Variants in CA11 observed in about 807,000 individuals in gnomAD.
CA11 encodes carbonic anhydrase 11 (inactive).
A neutral mutation model predicts 39.3 loss-of-function variants in CA11; 20 were observed. That is an observed-to-expected ratio of 0.51 (90% CI 0.36 to 0.74). The LOEUF is 0.74. Among genes scored for constraint, CA11 ranks in the 30% least tolerant of loss-of-function variants. CA11 has a pLI of 0.00. For missense variants in CA11, 336 were observed against 424.6 expected (o/e 0.79, Z 1.83); for synonymous variants, 166 against 172.5 (o/e 0.96, Z 0.29).
At position 48,638,080 on chromosome 19, in the gene CA11, A is replaced by G. The variant is rs552789415; in HGVS notation, c.*39T>C. 1.3e-4 allele frequency: 187 copies of G among 1,396,074 alleles called. No homozygotes were observed. In the East Asian group the frequency reaches 5.6e-3, roughly 42 times the overall value. 86.5% of individuals were successfully genotyped at this position (1,396,074 alleles called of 1,614,324 possible). The stretch of plus-strand genomic sequence containing the variant: ...GGGTAACTCCCCTCGCCTTGTGGGG[A>G]GGCTTAGGACGGGCGGGTGCAATCC... On this transcript the variant is annotated 3_prime_UTR_variant, in exon 9 of 9. Coordinates refer to ENST00000084798, the MANE Select transcript of CA11 (RefSeq NM_001217.5).
intron 3 of CA11, 116 bp downstream of exon 3, chr19:48,644,311 C>T: frequency 1.1e-6 from 1 of 926,030 alleles, no homozygotes; most frequent in Non-Finnish European, 1.6e-6. Context: ...CCTCTCCACC[C>T]ACTGGGTGTC....
chr19:48,640,536 G>A (rs1451332161), intron 3 of CA11, among the ~76,000 whole-genome samples: 3 of 151,510 alleles, frequency 2.0e-5, no homozygotes, highest in Admixed American at 1.3e-4. Context: ...CACCATGCCC[G>A]GCTAATTTTT....
Position 48,640,293 on chromosome 19 carries a change from CG to C in CA11, c.286-14del, listed in dbSNP as rs1422054925. On this transcript the variant is annotated splice_polypyrimidine_tract_variant and intron_variant, in intron 3 of 8. Transcript: ENST00000084798. ...AGGTTCCCCGGAGCTGTGGGAGAGGCGGGAGCTGTCAGGGGGCAGGGAGAGA... is the reference window on the plus strand; with the variant it reads ...AGGTTCCCCGGAGCTGTGGGAGAGGCGGAGCTGTCAGGGGGCAGGGAGAGA... 6.4e-7 allele frequency: 1 copy of C among 1,551,376 alleles called. No individual in the cohort carries two copies. Among genetic ancestry groups the C allele is most frequent in the South Asian group, 1.1e-5 (1 of 89,924 alleles).
rs922536041 is a variant in CA11 at position 48,638,118 on chromosome 19, C to T, written c.*1G>A. 10 of 1,396,972 alleles carry T rather than the reference C, an allele frequency of 7.2e-6. No individual in the cohort carries two copies. The African/African-American group carries it at 1.4e-4, about 19-fold the overall frequency. 86.5% of individuals were successfully genotyped at this position (1,396,972 alleles called of 1,614,324 possible). A position where few individuals can be genotyped will look rare whatever the true frequency, so the allele number is the denominator to read the frequency against. The stretch of plus-strand genomic sequence containing the variant: ...GCGGGTGCAATCCTCGAAGGGGAGT[C>T]TCAGCGACCATGGGGGACACCATCC... On this transcript the variant is annotated 3_prime_UTR_variant, in exon 9 of 9. Coordinates refer to ENST00000084798, the MANE Select transcript of CA11 (RefSeq NM_001217.5).
Position 48,645,482 on chromosome 19 carries a change from G to A in CA11, c.68-5C>T. The A allele has an allele frequency of 6.2e-7, 1 of 1,603,408 alleles. No individual in the cohort carries two copies. The highest frequency in any genetic ancestry group is 8.5e-7 in the Non-Finnish European group (1 of 1,174,756). On this transcript the variant is annotated splice_polypyrimidine_tract_variant and splice_region_variant and intron_variant, in intron 1 of 8. Coordinates refer to ENST00000084798, the MANE Select transcript of CA11 (RefSeq NM_001217.5). ...CAGGTGCTGGTCCGATGTGAGCTGG[G>A]AAGAGAGCAGCCTGAATCCCTCTCC...
intron 5 of CA11, 76 bp downstream of exon 5, chr19:48,639,712 C>A (rs2031004300): frequency 1.9e-6 from 3 of 1,585,186 alleles, no homozygotes; most frequent in African/African-American, 1.3e-5. Flanking sequence ...CTGGGCCTCC[C>A]AGCACCCCGC....
At chr19:48,644,304 C>T in intron 3 of CA11, 123 bp downstream of exon 3, 1 of 835,764 alleles carries the variant, frequency 1.2e-6, no homozygotes, top group Non-Finnish European at 1.8e-6. Context: ...GCAGCCTCCT[C>T]TCCACCCACT....
At chr19:48,639,701 T>C in intron 5 of CA11, 80 bp from the exon 6 acceptor site, 2 of 1,582,082 alleles carry the variant, frequency 1.3e-6, no homozygotes, top group Non-Finnish European at 1.7e-6. Flanking sequence ...GACCCAGGAG[T>C]CTGGGCCTCC....
chr19:48,644,420 C>G lies in CA11; in HGVS notation c.285+7G>C, dbSNP rs918289019. 1.3e-6 allele frequency: 2 copies of G among 1,582,324 alleles called. No individual in the cohort carries two copies. Among genetic ancestry groups the G allele is most frequent in the African/African-American group, 2.7e-5 (2 of 74,180 alleles). ...GGTTCAATAGCTCCTCCCTCCAAGC[C>G]CCTTACCTTCTCTCCTCCAGTGCTG... is the stretch of plus-strand genomic sequence containing the variant. On this transcript the variant is annotated splice_region_variant and intron_variant, in intron 3 of 8. Coordinates refer to ENST00000084798, the MANE Select transcript of CA11 (RefSeq NM_001217.5).
Position 48,644,566 on chromosome 19 carries a change from G to C in CA11, c.146C>G (p.Pro49Arg). The change falls in exon 3 of 9, where the codon CCT becomes CGT. Residue 49 changes from proline (P) to arginine (R), a missense_variant. Physicochemically the swap from Pro to Arg is moderately radical, Grantham distance 103 (BLOSUM62 -2). Coordinates refer to ENST00000084798, the MANE Select transcript of CA11 (RefSeq NM_001217.5). ...DNLQGNFVPG[P>R]PFWGLVNAAW... ...TGCATTCACCAGGCCCCAGAAAGGA[G>C]GCCCTGGGGGTGGGGTCGGAGTAGG... 1 of 1,584,320 alleles carries C rather than the reference G, an allele frequency of 6.3e-7. No individual in the cohort carries two copies. Among genetic ancestry groups the C allele is most frequent in the Non-Finnish European group, 8.6e-7 (1 of 1,163,626 alleles).
chr19:48,641,549 T>C (rs2031084606), intron 3 of CA11, among the ~76,000 whole-genome samples: 1 of 152,170 alleles, frequency 6.6e-6, no homozygotes, highest in Non-Finnish European at 1.5e-5. Flanking sequence ...CCTGAGCTCA[T>C]GTTTGGGGGA....
chr19:48,640,367 CTTTTTTTTTT>C (rs11372081), intron 3 of CA11, 87 bp from the exon 4 acceptor site: 226 of 324,776 alleles, frequency 7.0e-4, no homozygotes, highest in African/African-American at 2.5e-3. Flanking sequence ...TTCCAACAGT[CTTTTTTTTTT>C]TTTTTTTTTT....
rs563153316 is a variant in CA11, at chr19:48,639,341, G to A, written c.759C>T (p.Ile253=). The change falls in exon 7 of 9, where the codon ATC becomes ATT. Residue 253 remains isoleucine, a synonymous_variant. Coordinates refer to ENST00000084798, the MANE Select transcript of CA11 (RefSeq NM_001217.5). The part of the protein sequence containing the change: ...TPPCSETVTW[I]LIDRALNITS... ...TGATATTGAGGGCCCGGTCAATGAG[G>A]ATCCAGGTGACAGTCTCGGAGCAGG... 3 of 1,613,746 alleles carry A rather than the reference G, an allele frequency of 1.9e-6. No homozygotes were observed. Among genetic ancestry groups the A allele is most frequent in the East Asian group, 4.5e-5 (2 of 44,868 alleles).
In CA11 at chr19:48,645,561, C is replaced by A. The variant is rs930475334; in HGVS notation, c.67+5G>T. On this transcript the variant is annotated splice_donor_5th_base_variant and intron_variant, in intron 1 of 8. Coordinates refer to ENST00000084798, the MANE Select transcript of CA11 (RefSeq NM_001217.5). ...GGGGCTCCTCCCGGGAACCCCAGGTCTTACCTGCTGCCCCCAGTGCAGCCC... is the reference window on the plus strand; with the variant it reads ...GGGGCTCCTCCCGGGAACCCCAGGTATTACCTGCTGCCCCCAGTGCAGCCC... 5 of 1,603,680 alleles carry A rather than the reference C, an allele frequency of 3.1e-6. No individual in the cohort carries two copies. The highest frequency in any genetic ancestry group is 4.3e-6 in the Non-Finnish European group (5 of 1,175,308).
Position 48,639,900 on chromosome 19 carries a change from G to A in CA11, c.472-17C>T, listed in dbSNP as rs745772487. The A allele has an allele frequency of 6.2e-7, 1 of 1,607,108 alleles. No individual in the cohort carries two copies. The highest frequency in any genetic ancestry group is 1.3e-5 in the African/African-American group (1 of 74,708). On this transcript the variant is annotated splice_polypyrimidine_tract_variant and intron_variant, in intron 4 of 8. Coordinates refer to ENST00000084798, the MANE Select transcript of CA11 (RefSeq NM_001217.5). ...GAGCTGCACCTGGGGGTAGCACAGA[G>A]CATGGGGTCCCCCAGCAGAAGGGGA...
chr19:48,643,553 C>A lies in CA11; in HGVS notation c.285+874G>T, dbSNP rs1056421959. On this transcript the variant is annotated intron_variant, in intron 3 of 8. Transcript: ENST00000084798. This position sits in a 1 kb window ranked among gnomAD's most constrained non-coding sequence, Gnocchi z 4.3. The stretch of plus-strand genomic sequence containing the variant: ...GCTGAGGTAGGAAGATCACTTGGGC[C>A]CAGGAATTTGAGGTTACAGTGAGCT... Among the ~76,000 whole-genome samples, 1 of 151,802 alleles carries A rather than the reference C, an allele frequency of 6.6e-6. No homozygotes were observed. Among genetic ancestry groups the A allele is most frequent in the Admixed American group, 6.6e-5 (1 of 15,194 alleles).
rs779308499 is a variant in CA11 at position 48,638,134 on chromosome 19, G to T, written c.972C>A (p.Val324=). ...AAGGGGAGTCTCAGCGACCATGGGGGACACCATCCACTGTAAGACAGAGAA... is the reference window on the plus strand; with the variant it reads ...AAGGGGAGTCTCAGCGACCATGGGGTACACCATCCACTGTAAGACAGAGAA... ...GPNYRLHVDG[V]PHGR is the part of the protein sequence containing the mutation. The change falls in exon 9 of 9, where the codon GTC becomes GTA. Residue 324 remains valine (V), a synonymous_variant. Coordinates refer to ENST00000084798, the MANE Select transcript of CA11 (RefSeq NM_001217.5). 6 of 1,376,654 alleles carry T rather than the reference G, an allele frequency of 4.4e-6. No individual in the cohort carries two copies. The highest frequency in any genetic ancestry group is 3.4e-5 in the Admixed American group (1 of 29,608). 85.3% of individuals were successfully genotyped at this position (1,376,654 alleles called of 1,614,324 possible).
chr19:48,639,681 C>T, intron 5 of CA11, 60 bp from the exon 6 acceptor site: 1 of 1,600,016 alleles, frequency 6.2e-7, no homozygotes, highest in Non-Finnish European at 8.6e-7. Context: ...TCAACCTTCT[C>T]CTCCCCCAGG....
chr19:48,638,237 T>C, intron 8 of CA11, 93 bp from the exon 9 acceptor site: 22 of 1,191,094 alleles, frequency 1.8e-5, no homozygotes, highest in Non-Finnish European at 2.2e-5. Flanking sequence ...CGCTGGGCCC[T>C]ACCGTCGGAA....
Sources: allele counts gnomAD v4.1 joint callset (sites outside exome capture counted in the v4.1 genomes callset), GRCh38; gene constraint gnomAD v4.1.1; non-coding constraint Gnocchi (gnomAD v3.1); transcripts MANE v1.5; gene names NCBI Gene and HGNC (gene_info 2026-07-23, HGNC 2026-07-21).